CACNA2D1: variants seen among roughly 807,000 people sequenced by gnomAD.
CACNA2D1 encodes the protein calcium voltage-gated channel auxiliary subunit alpha2delta 1, also known as voltage-dependent calcium channel subunit alpha-2/delta-1.
In CACNA2D1, 53 loss-of-function variants were observed where a neutral mutation model predicts 171.5. That is an observed-to-expected ratio of 0.31 (90% CI 0.25 to 0.39). The LOEUF is 0.39. CACNA2D1 is among the 10% of genes least tolerant of loss of function. CACNA2D1 has a pLI of 1.00. For missense variants in CACNA2D1, 903 were observed against 1,299.8 expected (o/e 0.69, Z 4.69); for synonymous variants, 442 against 443.1 (o/e 1.00, Z 0.03).
intron 3 of CACNA2D1, among the ~76,000 whole-genome samples, chr7:82,260,077 C>G (rs902867886): frequency 1.2e-4 from 19 of 152,082 alleles, no homozygotes; most frequent in Admixed American, 1.2e-3. Flanking sequence ...CACAAATTAG[C>G]TTTGCATGGT....
chr7:81,979,558 G>A (rs371691328), intron 24 of CACNA2D1, among the ~76,000 whole-genome samples: 2 of 152,170 alleles, frequency 1.3e-5, no homozygotes, highest in East Asian at 1.9e-4. Flanking sequence ...ACAGACCTCA[G>A]ATGGAGAGTC....
At chr7:82,000,649 A>G in intron 18 of CACNA2D1, among the ~76,000 whole-genome samples, 1 of 151,346 alleles carries the variant, frequency 6.6e-6, no homozygotes, top group Non-Finnish European at 1.5e-5. Context: ...CCCAGCCTGG[A>G]GGCAGTGGCA....
intron 12 of CACNA2D1, among the ~76,000 whole-genome samples, chr7:82,031,288 G>C (rs1490479364): frequency 6.6e-6 from 1 of 151,748 alleles, no homozygotes; most frequent in African/African-American, 2.4e-5. Context: ...CAGGTGGTGA[G>C]GATTACCCTG....
At chr7:82,350,387 C>T (rs572139396) in intron 1 of CACNA2D1, among the ~76,000 whole-genome samples, 2 of 152,220 alleles carry the variant, frequency 1.3e-5, no homozygotes, top group African/African-American at 4.8e-5. Flanking sequence ...ATTTCCGGGC[C>T]AGACACGGTG....
At chr7:82,356,158 C>A (rs1291093285) in intron 1 of CACNA2D1, among the ~76,000 whole-genome samples, 1 of 152,080 alleles carries the variant, frequency 6.6e-6, no homozygotes, top group Non-Finnish European at 1.5e-5. Flanking sequence ...AATATGCATT[C>A]TCTCATTTAG....
chr7:82,102,648 A>G (rs1467693619), intron 6 of CACNA2D1, among the ~76,000 whole-genome samples: 4 of 152,192 alleles, frequency 2.6e-5, no homozygotes, highest in Non-Finnish European at 5.9e-5. Flanking sequence ...TCATTCAACG[A>G]AGGAACTTAG....
rs192719378 is a variant in CACNA2D1 at position 82,109,791 on chromosome 7, C to T, written c.526+7253G>A. 2.3e-3 allele frequency among the ~76,000 whole-genome samples: 345 copies of T among 152,220 alleles called. 3 individuals carry two copies. Among genetic ancestry groups the T allele is most frequent in the Admixed American group, 3.8e-3 (58 of 15,290 alleles). Reference sequence around the variant, plus strand: ...CATTTCCTATTAGATAGATTCCTTGCATTACTTACTGCATGCAATCCTCAC... The same window carrying T: ...CATTTCCTATTAGATAGATTCCTTGTATTACTTACTGCATGCAATCCTCAC... On this transcript the variant is annotated intron_variant, in intron 6 of 38. Coordinates refer to ENST00000356860, the MANE Select transcript of CACNA2D1 (RefSeq NM_000722.4).
At chr7:81,984,347 C>T (rs1014529966) in intron 22 of CACNA2D1, among the ~76,000 whole-genome samples, 8 of 152,110 alleles carry the variant, frequency 5.3e-5, no homozygotes, top group Non-Finnish European at 1.2e-4. Flanking sequence ...ACCCTTAAAA[C>T]GACAGCAACA....
chr7:82,238,173 T>C (rs943464327), intron 3 of CACNA2D1, among the ~76,000 whole-genome samples: 1 of 152,068 alleles, frequency 6.6e-6, no homozygotes, highest in African/African-American at 2.4e-5. Context: ...TTAAGTTGTC[T>C]GTCTTCTAGT....
chr7:82,096,653 T>C (rs773423610), intron 6 of CACNA2D1, among the ~76,000 whole-genome samples: 3 of 148,300 alleles, frequency 2.0e-5, no homozygotes, highest in Admixed American at 6.9e-5. Context: ...TAGTATGATA[T>C]TGCAAGGACA....
chr7:82,049,592 CAGTA>C (rs1804966677), intron 10 of CACNA2D1, among the ~76,000 whole-genome samples: 1 of 152,142 alleles, frequency 6.6e-6, no homozygotes, highest in South Asian at 2.1e-4. Flanking sequence ...ACACAGTTAA[CAGTA>C]ATGCGATAAA....
intron 3 of CACNA2D1, among the ~76,000 whole-genome samples, chr7:82,179,113 C>T (rs537964502): frequency 3.3e-5 from 5 of 152,222 alleles, no homozygotes; most frequent in African/African-American, 7.2e-5. Flanking sequence ...GCTAGATTAA[C>T]TCAACACTAC....
intron 3 of CACNA2D1, among the ~76,000 whole-genome samples, chr7:82,257,361 C>T (rs1057453235): frequency 1.3e-5 from 2 of 152,190 alleles, no homozygotes; most frequent in African/African-American, 4.8e-5. Context: ...TTACCCCTGT[C>T]TTGACACTGA....
At chr7:82,338,252 C>A (rs1232260858) in intron 2 of CACNA2D1, among the ~76,000 whole-genome samples, 1 of 152,050 alleles carries the variant, frequency 6.6e-6, no homozygotes, top group African/African-American at 2.4e-5. Context: ...AATCATAATA[C>A]AGATGCCCCA....
At chr7:82,046,867 T>C (rs1804617123) in intron 10 of CACNA2D1, among the ~76,000 whole-genome samples, 1 of 152,198 alleles carries the variant, frequency 6.6e-6, no homozygotes. Context: ...ATGTAACCTA[T>C]ATTTAGTCTG....
chr7:82,165,778 T>C (rs1289523030), intron 4 of CACNA2D1, among the ~76,000 whole-genome samples: 11 of 152,038 alleles, frequency 7.2e-5, no homozygotes, highest in Non-Finnish European at 2.9e-5. Flanking sequence ...ATAGCAGAAA[T>C]GTTGCAAAAA....
chr7:82,403,915 T>A (rs1289346601), intron 1 of CACNA2D1, among the ~76,000 whole-genome samples: 2 of 152,244 alleles, frequency 1.3e-5, no homozygotes, highest in Non-Finnish European at 2.9e-5. Context: ...GCTTCCAATA[T>A]CATCCAAATC....
intron 1 of CACNA2D1, among the ~76,000 whole-genome samples, chr7:82,411,116 T>C (rs1827599640): frequency 6.6e-6 from 1 of 152,178 alleles, no homozygotes; most frequent in Non-Finnish European, 1.5e-5. Flanking sequence ...ATCACTAGCC[T>C]AGAGAAAGTG....
At chr7:82,147,093 C>CA (rs1008295454) in intron 4 of CACNA2D1, among the ~76,000 whole-genome samples, 46 of 140,194 alleles carry the variant, frequency 3.3e-4, no homozygotes, top group East Asian at 1.1e-3. Flanking sequence ...TCATAACAGT[C>CA]AAAAAAAAAG....
Sources: gnomAD v4.1 joint callset for allele counts (sites outside exome capture counted in the v4.1 genomes callset) on GRCh38, gnomAD v4.1.1 for gene constraint, MANE v1.5 for transcripts, NCBI Gene and HGNC (gene_info 2026-07-23, HGNC 2026-07-21) for gene names.